KCNK13: variants seen among roughly 807,000 people sequenced by gnomAD.
KCNK13 encodes potassium two pore domain channel subfamily K member 13.
In KCNK13, 12 loss-of-function variants were observed where a neutral mutation model predicts 23.4. The observed-to-expected ratio is 0.51, with a 90% CI of 0.33 to 0.83. The LOEUF (loss-of-function observed/expected upper bound fraction) is 0.83. Ranked by LOEUF, KCNK13 falls within the 40% of genes least tolerant of loss-of-function variation. The pLI is 0.02. For missense variants in KCNK13, 463 were observed against 556.3 expected (o/e 0.83, Z 1.69); for synonymous variants, 231 against 229.5 (o/e 1.01, Z -0.06).
intron 1 of KCNK13, among the ~76,000 whole-genome samples, chr14:90,066,552 C>T (rs1490551478): frequency 2.0e-5 from 3 of 152,174 alleles, no homozygotes; most frequent in African/African-American, 7.2e-5. Flanking sequence ...CAGGTGTGAG[C>T]CACTGCACCT....
intron 1 of KCNK13, among the ~76,000 whole-genome samples, chr14:90,071,997 G>C (rs146417240): frequency 6.6e-6 from 1 of 152,086 alleles, no homozygotes; most frequent in East Asian, 1.9e-4. Context: ...TCAGCCATTA[G>C]AGGAGGACAT....
intron 1 of KCNK13, among the ~76,000 whole-genome samples, chr14:90,070,470 T>C (rs2140388688): frequency 6.6e-6 from 1 of 152,364 alleles, no homozygotes; most frequent in Non-Finnish European, 1.5e-5. Context: ...GTGTGCTTTA[T>C]AGTTTAAAGA....
rs142158514 is a variant in KCNK13, at chr14:90,165,234, C to T, written c.335-18877C>T. 1.3e-3 allele frequency among the ~76,000 whole-genome samples: 205 copies of T among 152,238 alleles called. 2 individuals are homozygous for T. The highest frequency in any genetic ancestry group is 7.8e-3 in the Admixed American group (119 of 15,298). On this transcript the variant is annotated intron_variant, in intron 1 of 1. Transcript: ENST00000282146. ...ATGGGAATTCAAGATGAGATTTGGG[C>T]GGGGACACGGCCAAACCATATCAGG... is the stretch of plus-strand genomic sequence containing the variant.
chr14:90,064,538 A>G (rs1171507102), intron 1 of KCNK13, among the ~76,000 whole-genome samples: 1 of 152,122 alleles, frequency 6.6e-6, no homozygotes, highest in Non-Finnish European at 1.5e-5. Flanking sequence ...CTGCCTCTGT[A>G]TCTTGGGCAA....
chr14:90,161,482 A>C (rs745916910), intron 1 of KCNK13, among the ~76,000 whole-genome samples: 1 of 152,242 alleles, frequency 6.6e-6, no homozygotes, highest in Non-Finnish European at 1.5e-5. Context: ...AATAATAAGA[A>C]AACAACCAAA....
intron 1 of KCNK13, among the ~76,000 whole-genome samples, chr14:90,171,361 G>T (rs1029126308): frequency 2.0e-5 from 3 of 152,202 alleles, no homozygotes; most frequent in Non-Finnish European, 4.4e-5. Context: ...AAGAAGGAAC[G>T]ATGTCAAAGG....
chr14:90,156,643 G>A (rs892746483), intron 1 of KCNK13, among the ~76,000 whole-genome samples: 1 of 152,162 alleles, frequency 6.6e-6, no homozygotes, highest in Non-Finnish European at 1.5e-5. Flanking sequence ...AGGAGCAGCA[G>A]GCACATTATA....
chr14:90,074,310 T>C (rs1396838639), intron 1 of KCNK13, among the ~76,000 whole-genome samples: 1 of 152,254 alleles, frequency 6.6e-6, no homozygotes, highest in Non-Finnish European at 1.5e-5. Flanking sequence ...AAGAACTTGA[T>C]ATATTTATAT....
intron 1 of KCNK13, among the ~76,000 whole-genome samples, chr14:90,074,404 A>G (rs1889112718): frequency 6.6e-6 from 1 of 152,240 alleles, no homozygotes; most frequent in Non-Finnish European, 1.5e-5. Flanking sequence ...AGAGCCAAAT[A>G]CACTCACTTT....
chr14:90,172,614 A>G (rs1263660984), intron 1 of KCNK13, among the ~76,000 whole-genome samples: 1 of 134,660 alleles, frequency 7.4e-6, no homozygotes, highest in Non-Finnish European at 1.5e-5. Flanking sequence ...AAAGTGTTAC[A>G]CTGATGTGAT....
intron 1 of KCNK13, among the ~76,000 whole-genome samples, chr14:90,122,095 A>G (rs961769087): frequency 1.3e-5 from 2 of 152,118 alleles, no homozygotes; most frequent in Admixed American, 1.3e-4. Context: ...CCACAATTTT[A>G]ATAGCTCCAT....
chr14:90,147,840 C>T (rs1014635956), intron 1 of KCNK13, among the ~76,000 whole-genome samples: 5 of 152,098 alleles, frequency 3.3e-5, no homozygotes, highest in Non-Finnish European at 7.4e-5. Flanking sequence ...TTCTTTCTCT[C>T]CTGTTTTGTG....
At chr14:90,107,979 T>C in intron 1 of KCNK13, 1 of 720,340 alleles carries the variant, frequency 1.4e-6, no homozygotes, top group Non-Finnish European at 2.6e-6. Flanking sequence ...CTAAAGCAGA[T>C]TGGAGTTTTG....
intron 1 of KCNK13, among the ~76,000 whole-genome samples, chr14:90,075,273 T>A (rs928854324): frequency 1.4e-4 from 21 of 152,182 alleles, no homozygotes; most frequent in African/African-American, 5.1e-4. Context: ...ATAAATAAAA[T>A]TGAGACCTCG....
intron 1 of KCNK13, among the ~76,000 whole-genome samples, chr14:90,144,363 AAT>A (rs370325351): frequency 8.5e-5 from 13 of 152,104 alleles, no homozygotes; most frequent in African/African-American, 3.1e-4. Flanking sequence ...AATAGATAGA[AAT>A]AGAATTATTA....
intron 1 of KCNK13, among the ~76,000 whole-genome samples, chr14:90,068,701 C>A (rs1889037164): frequency 1.3e-5 from 2 of 152,184 alleles, no homozygotes; most frequent in Non-Finnish European, 2.9e-5. Context: ...GAGTCCTGGG[C>A]ACATTCAAGT....
At chr14:90,063,288 A>T (rs1410112378) in intron 1 of KCNK13, among the ~76,000 whole-genome samples, 1 of 152,120 alleles carries the variant, frequency 6.6e-6, no homozygotes, top group Admixed American at 6.5e-5. Context: ...TAGGACCTTC[A>T]CTGACAGACT....
chr14:90,103,765 G>A (rs886473122), intron 1 of KCNK13, among the ~76,000 whole-genome samples: 8 of 152,078 alleles, frequency 5.3e-5, no homozygotes, highest in Non-Finnish European at 7.4e-5. Flanking sequence ...GTTTCACCAT[G>A]TTAACCAGGC....
At chr14:90,165,514 C>T (rs1034881468) in intron 1 of KCNK13, among the ~76,000 whole-genome samples, 3 of 152,192 alleles carry the variant, frequency 2.0e-5, no homozygotes, top group African/African-American at 7.2e-5. Context: ...CAGATTTTCT[C>T]ACTCACGTTG....
Sources: gnomAD v4.1 joint callset for allele counts (sites outside exome capture counted in the v4.1 genomes callset) on GRCh38, gnomAD v4.1.1 for gene constraint, MANE v1.5 for transcripts, NCBI Gene and HGNC (gene_info 2026-07-23, HGNC 2026-07-21) for gene names.